The following ICA1L variants were observed in gnomAD, a reference collection of about 807,000 sequenced individuals.
ICA1L encodes the protein islet cell autoantigen 1-like protein.
Under a neutral mutation model 61.3 loss-of-function variants are expected in ICA1L, and 50 were observed. The observed-to-expected ratio is 0.82, with a 90% CI of 0.65 to 1.03. ICA1L has a LOEUF of 1.03. Ranked by LOEUF, ICA1L falls within the 50% of genes least tolerant of loss-of-function variation. ICA1L has a pLI of 0.00. For missense variants in ICA1L, 508 were observed against 556.7 expected (o/e 0.91, Z 0.88); for synonymous variants, 161 against 191.3 (o/e 0.84, Z 1.31).
chr2:202,841,730 G>T, intron 1 of ICA1L: 1 of 501,908 alleles, frequency 2.0e-6, no homozygotes, highest in South Asian at 1.6e-5. Flanking sequence ...GGGGCCAGAG[G>T]ACCACCTCTG....
chr2:202,841,351 T>C, intron 1 of ICA1L: 2 of 817,052 alleles, frequency 2.4e-6, no homozygotes, highest in East Asian at 2.4e-5. Flanking sequence ...AGGCTGTTGA[T>C]GTAGCTCTCG....
intron 1 of ICA1L, among the ~76,000 whole-genome samples, chr2:202,864,627 A>ATGTGTGTGTATGTGTG (rs1553539142): frequency 1.3e-5 from 2 of 150,286 alleles, no homozygotes; most frequent in African/African-American, 4.9e-5. Context: ...GTATATATAT[A>ATGTGTGTGTATGTGTG]TGTGTGTGTG....
intron 10 of ICA1L, among the ~76,000 whole-genome samples, chr2:202,795,693 ATATAG>A (rs1010527075): frequency 6.6e-6 from 1 of 152,200 alleles, no homozygotes; most frequent in African/African-American, 2.4e-5. Flanking sequence ...AGAAAAAGAA[ATATAG>A]TATATGACAA....
chr2:202,779,487 G>T lies in ICA1L; in HGVS notation c.*46C>A. The T allele has an allele frequency of 8.7e-7, 1 of 1,145,620 alleles. No homozygotes were observed. Among genetic ancestry groups the T allele is most frequent in the Non-Finnish European group, 1.3e-6 (1 of 770,488 alleles). The allele number at this position is 1,145,620 out of a possible 1,614,324, so 71.0% of individuals were successfully genotyped here. On this transcript the variant is annotated 3_prime_UTR_variant, in exon 13 of 13. Coordinates refer to ENST00000358299, the MANE Select transcript of ICA1L (RefSeq NM_001288622.3). The stretch of plus-strand genomic sequence containing the variant: ...ATCCTTTCCACGAAGGAAATACGTT[G>T]CAAAATTGATGTCTCAAGGCCACTG...
intron 11 of ICA1L, 110 bp downstream of exon 11, chr2:202,788,720 G>T: frequency 9.2e-7 from 1 of 1,091,304 alleles, no homozygotes; most frequent in Non-Finnish European, 1.4e-6. Context: ...ATCTAGTAGT[G>T]CTGACATTAA....
chr2:202,835,496 C>T (rs1223787107), intron 1 of ICA1L, among the ~76,000 whole-genome samples: 1 of 151,346 alleles, frequency 6.6e-6, no homozygotes, highest in East Asian at 1.9e-4. Context: ...GTGAGGGACC[C>T]CACCTGGCCA....
intron 1 of ICA1L, chr2:202,841,108 C>T (rs973441572): frequency 7.1e-5 from 45 of 635,502 alleles, no homozygotes; most frequent in Middle Eastern, 3.2e-4. Context: ...TACAGCTGCC[C>T]GAGGAGGTTG....
intron 9 of ICA1L, among the ~76,000 whole-genome samples, chr2:202,806,647 A>C (rs1273855955): frequency 6.9e-6 from 1 of 144,152 alleles, no homozygotes; most frequent in East Asian, 2.0e-4. Context: ...ACTCTGTCTC[A>C]AAAAAAAAAA....
intron 1 of ICA1L, among the ~76,000 whole-genome samples, chr2:202,853,815 T>G (rs1244168565): frequency 6.6e-6 from 1 of 151,974 alleles, no homozygotes; most frequent in African/African-American, 2.4e-5. Context: ...AAAGGAGAAA[T>G]AAAATCCTTT....
Position 202,779,174 on chromosome 2 carries a change from G to T in ICA1L, c.*359C>A, listed in dbSNP as rs1692317527. ...CATATAAAATTCTCACAGCCAGCAA[G>T]GCAACTTAAAAGGGTTTCCAAAGAA... On this transcript the variant is annotated 3_prime_UTR_variant, in exon 13 of 13. Coordinates refer to ENST00000358299, the MANE Select transcript of ICA1L (RefSeq NM_001288622.3). 1 of 174,900 alleles carries T rather than the reference G, an allele frequency of 5.7e-6. No individual in the cohort carries two copies. The highest frequency in any genetic ancestry group is 2.3e-5 in the African/African-American group (1 of 42,572). 10.8% of individuals were successfully genotyped at this position (174,900 alleles called of 1,614,324 possible). A position where few individuals can be genotyped will look rare whatever the true frequency, so the allele number is the denominator to read the frequency against.
chr2:202,864,848 A>T (rs573184053), intron 1 of ICA1L, among the ~76,000 whole-genome samples: 1 of 151,878 alleles, frequency 6.6e-6, no homozygotes, highest in East Asian at 2.0e-4. Flanking sequence ...GTGAAACTCC[A>T]TCTCTACTAA....
intron 10 of ICA1L, among the ~76,000 whole-genome samples, chr2:202,792,306 C>G (rs866536024): frequency 2.0e-5 from 3 of 152,104 alleles, no homozygotes; most frequent in African/African-American, 7.2e-5. Flanking sequence ...AAGTTAAATT[C>G]ACCATACAAC....
rs932586323 is a variant in ICA1L at position 202,785,250 on chromosome 2, G to A, written c.1333+668C>T. 3.1e-4 allele frequency among the ~76,000 whole-genome samples: 47 copies of A among 150,926 alleles called. 1 individual carries two copies. Among genetic ancestry groups the A allele is most frequent in the African/African-American group, 1.1e-3 (44 of 41,230 alleles). ...AAAAAAAAAAAAAGAAAAGAAAAAGGTTAATATGGTAACCAACTTAAGTGC... is the reference window on the plus strand; with the variant it reads ...AAAAAAAAAAAAAGAAAAGAAAAAGATTAATATGGTAACCAACTTAAGTGC... On this transcript the variant is annotated intron_variant, in intron 12 of 12. Transcript: ENST00000358299.
intron 1 of ICA1L, among the ~76,000 whole-genome samples, chr2:202,863,607 G>A (rs1458352984): frequency 9.2e-5 from 14 of 151,996 alleles, no homozygotes; most frequent in African/African-American, 2.2e-4. Flanking sequence ...GGCGGATCAC[G>A]AGGTCAGGAG....
At chr2:202,798,029 G>C (rs563543845) in intron 9 of ICA1L, among the ~76,000 whole-genome samples, 1 of 152,164 alleles carries the variant, frequency 6.6e-6, no homozygotes, top group African/African-American at 2.4e-5. Flanking sequence ...AGATCATGTG[G>C]TATTTGTCTT....
intron 10 of ICA1L, among the ~76,000 whole-genome samples, chr2:202,789,312 A>G (rs995467884): frequency 1.3e-5 from 2 of 152,206 alleles, no homozygotes; most frequent in African/African-American, 4.8e-5. Context: ...TATGAATGCT[A>G]TATATGAAAT....
intron 1 of ICA1L, among the ~76,000 whole-genome samples, chr2:202,856,214 G>A (rs757829463): frequency 4.6e-5 from 7 of 151,874 alleles, no homozygotes; most frequent in African/African-American, 1.5e-4. Context: ...GATGAATATC[G>A]ATGCCAAAAT....
At chr2:202,851,354 TGGC>T (rs1306289541) in intron 1 of ICA1L, among the ~76,000 whole-genome samples, 4 of 152,228 alleles carry the variant, frequency 2.6e-5, no homozygotes, top group African/African-American at 9.6e-5. Context: ...TCATTTTTTA[TGGC>T]TGCATAGTAT....
chr2:202,871,277 G>C (rs948252545), intron 1 of ICA1L: 20 of 152,264 alleles, frequency 1.3e-4, no homozygotes, highest in African/African-American at 4.6e-4. Context: ...GCCCCAGGCT[G>C]CCGCGCTCCT....
Sources: allele counts gnomAD v4.1 joint callset (sites outside exome capture counted in the v4.1 genomes callset), GRCh38; gene constraint gnomAD v4.1.1; transcripts MANE v1.5; gene names NCBI Gene and HGNC (gene_info 2026-07-23, HGNC 2026-07-21).